GMDS: variants seen among roughly 807,000 people sequenced by gnomAD.
GMDS encodes the protein GDP-mannose 4,6-dehydratase.
GMDS carries 20 observed loss-of-function variants against 49.9 expected under a neutral mutation model. The observed-to-expected ratio is 0.40, with a 90% CI of 0.28 to 0.58. The LOEUF (loss-of-function observed/expected upper bound fraction) is 0.58. Among genes scored for constraint, GMDS ranks in the 20% least tolerant of loss-of-function variants. The pLI, the probability that GMDS is intolerant of heterozygous loss-of-function variation, is 0.42. For synonymous variants in GMDS, 177 were observed against 178.6 expected, an observed-to-expected ratio of 0.99 and a Z score of 0.07; for missense variants, 362 against 481.4, an observed-to-expected ratio of 0.75 and a Z score of 2.32.
intron 3 of GMDS, among the ~76,000 whole-genome samples, chr6:2,117,232 C>G (rs1774893383): frequency 6.6e-6 from 1 of 152,166 alleles, no homozygotes; most frequent in African/African-American, 2.4e-5. Flanking sequence ...TTGGTCTCTC[C>G]AAGCCATCTA....
intron 9 of GMDS, among the ~76,000 whole-genome samples, chr6:1,669,386 C>A (rs1424547063): frequency 1.3e-5 from 2 of 152,178 alleles, no homozygotes; most frequent in African/African-American, 4.8e-5. Flanking sequence ...GGATACACTT[C>A]AGAATCAGTC....
chr6:2,094,904 T>A (rs897565226), intron 4 of GMDS, among the ~76,000 whole-genome samples: 2 of 152,210 alleles, frequency 1.3e-5, no homozygotes, highest in African/African-American at 2.4e-5. Context: ...CATTTCTTGA[T>A]GTGTTAAACC....
intron 7 of GMDS, among the ~76,000 whole-genome samples, chr6:1,757,388 G>A (rs181013241): frequency 5.9e-5 from 9 of 152,254 alleles, no homozygotes; most frequent in Admixed American, 3.3e-4. Flanking sequence ...TCTGTCGCTC[G>A]GATACCTGGG....
rs959528406 is a variant in GMDS, at chr6:1,817,753, G to T, written c.772-75167C>A. 1.1e-4 allele frequency among the ~76,000 whole-genome samples: 17 copies of T among 152,294 alleles called. 1 individual carries two copies. The highest frequency in any genetic ancestry group is 4.1e-4 in the African/African-American group (17 of 41,554). ...TTGGTTTGTGGGGAGTCTACAATCT[G>T]CATGCTATTCACGTGACCTGACTCT... On this transcript the variant is annotated intron_variant, in intron 7 of 10. Coordinates refer to ENST00000380815, the MANE Select transcript of GMDS (RefSeq NM_001500.4).
intron 9 of GMDS, among the ~76,000 whole-genome samples, chr6:1,702,677 G>A (rs1310532339): frequency 2.0e-5 from 3 of 152,160 alleles, no homozygotes; most frequent in Non-Finnish European, 4.4e-5. Flanking sequence ...TGGGAACCCT[G>A]GGGAGATCTT....
At chr6:2,059,587 A>G (rs1771005315) in intron 4 of GMDS, among the ~76,000 whole-genome samples, 1 of 147,086 alleles carries the variant, frequency 6.8e-6, no homozygotes, top group East Asian at 2.0e-4. Context: ...GGGCGCCTGT[A>G]GTCCCAGCTA....
chr6:1,922,657 A>T (rs1393944789), intron 7 of GMDS, among the ~76,000 whole-genome samples: 1 of 152,172 alleles, frequency 6.6e-6, no homozygotes, highest in Non-Finnish European at 1.5e-5. Context: ...AGACTCAGTC[A>T]GTAGAAGAGA....
intron 4 of GMDS, among the ~76,000 whole-genome samples, chr6:2,021,914 T>A (rs945889164): frequency 3.9e-5 from 6 of 152,224 alleles, no homozygotes; most frequent in African/African-American, 1.4e-4. Context: ...TCATTAAGAC[T>A]TGGCCACTGT....
At chr6:1,978,210 G>A (rs1277470472) in intron 4 of GMDS, among the ~76,000 whole-genome samples, 2 of 152,174 alleles carry the variant, frequency 1.3e-5, no homozygotes, top group African/African-American at 4.8e-5. Context: ...AACCAAAGCA[G>A]CTTTGTCAGT....
intron 7 of GMDS, among the ~76,000 whole-genome samples, chr6:1,851,371 G>A (rs1757660835): frequency 6.6e-6 from 1 of 152,114 alleles, no homozygotes; most frequent in South Asian, 2.1e-4. Context: ...TAAGTTTTAG[G>A]TATTTGCTGA....
chr6:1,947,711 G>C (rs1763146842), intron 6 of GMDS, among the ~76,000 whole-genome samples: 1 of 152,186 alleles, frequency 6.6e-6, no homozygotes, highest in African/African-American at 2.4e-5. Context: ...GGAATCATTA[G>C]AGTTTGTCCA....
chr6:2,066,955 A>G (rs1438349437), intron 4 of GMDS, among the ~76,000 whole-genome samples: 1 of 151,970 alleles, frequency 6.6e-6, no homozygotes, highest in Non-Finnish European at 1.5e-5. Flanking sequence ...AATCAACAGA[A>G]TATACATTTT....
chr6:1,935,908 C>T (rs1226740830), intron 6 of GMDS, among the ~76,000 whole-genome samples: 3 of 152,096 alleles, frequency 2.0e-5, no homozygotes, highest in Non-Finnish European at 2.9e-5. Context: ...AAAGCTGAGC[C>T]TCAAAGAAAT....
chr6:1,675,019 C>T (rs1038725634), intron 9 of GMDS, among the ~76,000 whole-genome samples: 1 of 151,978 alleles, frequency 6.6e-6, no homozygotes, highest in Non-Finnish European at 1.5e-5. Context: ...CTCACTGCAA[C>T]CTCCACCTCC....
At chr6:1,624,261 A>G (rs1440346599) in intron 10 of GMDS, 30 bp from the exon 11 acceptor site, 2 of 1,598,054 alleles carry the variant, frequency 1.3e-6, no homozygotes, top group Admixed American at 1.7e-5. Context: ...GTGAGGGAGG[A>G]GCTTCTGCCA....
intron 4 of GMDS, among the ~76,000 whole-genome samples, chr6:2,083,411 A>C (rs1772830124): frequency 6.6e-6 from 1 of 152,134 alleles, no homozygotes; most frequent in Admixed American, 6.5e-5. Flanking sequence ...CCCCAAGAAA[A>C]CACAAAAACC....
intron 7 of GMDS, among the ~76,000 whole-genome samples, chr6:1,920,255 C>T (rs1761649568): frequency 6.6e-6 from 1 of 152,234 alleles, no homozygotes; most frequent in African/African-American, 2.4e-5. Context: ...GGAGCTTGGG[C>T]TTGGGCATTC....
intron 6 of GMDS, among the ~76,000 whole-genome samples, chr6:1,953,437 G>C (rs1174185403): frequency 6.6e-6 from 1 of 152,158 alleles, no homozygotes; most frequent in Non-Finnish European, 1.5e-5. Context: ...TCCAAAAGTA[G>C]AAGGTAGAAT....
intron 7 of GMDS, among the ~76,000 whole-genome samples, chr6:1,790,564 T>C (rs1341164776): frequency 6.6e-6 from 1 of 152,234 alleles, no homozygotes; most frequent in Admixed American, 6.5e-5. Flanking sequence ...AGGCAAATTT[T>C]ACATGAAGTT....
Sources: allele counts gnomAD v4.1 joint callset (sites outside exome capture counted in the v4.1 genomes callset), GRCh38; gene constraint gnomAD v4.1.1; transcripts MANE v1.5; gene names NCBI Gene and HGNC (gene_info 2026-07-23, HGNC 2026-07-21).